Variants in DCC observed in about 807,000 individuals in gnomAD.
DCC encodes the protein DCC netrin 1 receptor.
DCC carries 58 observed loss-of-function variants against 172.5 expected under a neutral mutation model. That is an observed-to-expected ratio of 0.34 (90% CI 0.27 to 0.42). The LOEUF is 0.42. DCC is among the 10% of genes least tolerant of loss of function. The probability of loss-of-function intolerance (pLI) is 1.00; values close to 1 mark genes in which losing one functional copy is unlikely to be tolerated. For missense variants in DCC, 1,740 were observed against 1,791.0 expected (o/e 0.97, Z 0.51); for synonymous variants, 709 against 644.5 (o/e 1.10, Z -1.52).
At chr18:52,860,294 G>A (rs1481918115) in intron 2 of DCC, among the ~76,000 whole-genome samples, 2 of 152,170 alleles carry the variant, frequency 1.3e-5, no homozygotes, top group Non-Finnish European at 2.9e-5. Context: ...TATATAAGTT[G>A]CTCCGGTGAT....
intron 1 of DCC, among the ~76,000 whole-genome samples, chr18:52,671,744 C>T (rs1370428542): frequency 1.3e-5 from 2 of 151,728 alleles, no homozygotes; most frequent in Admixed American, 6.6e-5. Flanking sequence ...CTCTGTTGGC[C>T]AGGCTGGTCT....
intron 21 of DCC, among the ~76,000 whole-genome samples, chr18:53,416,806 A>T (rs1445295442): frequency 6.6e-6 from 1 of 152,224 alleles, no homozygotes; most frequent in African/African-American, 2.4e-5. Flanking sequence ...AGAGTTATCC[A>T]TCAACTTATA....
At chr18:53,083,818 A>T (rs1295390774) in intron 7 of DCC, among the ~76,000 whole-genome samples, 1 of 152,198 alleles carries the variant, frequency 6.6e-6, no homozygotes, top group Admixed American at 6.5e-5. Context: ...AACAGCTATA[A>T]GGAACAACAA....
rs930640617 is a variant in DCC, at chr18:52,951,447, C to T, written c.985+26077C>T. Among the ~76,000 whole-genome samples, 10 of 151,986 alleles carry T rather than the reference C, an allele frequency of 6.6e-5. 1 individual carries two copies. Among genetic ancestry groups the T allele is most frequent in the Admixed American group, 2.0e-4 (3 of 15,252 alleles). ...CTCCTTCCCCTTGCCTCCCACCCCC[C>T]GACAGGTCCCGGTGTGTGATATTCT... On this transcript the variant is annotated intron_variant, in intron 5 of 28. Transcript: ENST00000442544.
intron 24 of DCC, among the ~76,000 whole-genome samples, chr18:53,465,751 T>TTTTATTTATTTA (rs3061298): frequency 4.6e-5 from 7 of 151,308 alleles, no homozygotes; most frequent in South Asian, 2.1e-4. Context: ...TTTCTATTCT[T>TTTTATTTATTTA]TTTATTTATT....
At chr18:52,783,834 AT>A (rs1329307599) in intron 2 of DCC, among the ~76,000 whole-genome samples, 1 of 151,998 alleles carries the variant, frequency 6.6e-6, no homozygotes, top group Non-Finnish European at 1.5e-5. Flanking sequence ...GATTGTGCAT[AT>A]TTATGGGGTA....
chr18:53,347,830 A>G (rs759518389), intron 15 of DCC, among the ~76,000 whole-genome samples: 1 of 152,102 alleles, frequency 6.6e-6, no homozygotes, highest in Non-Finnish European at 1.5e-5. Flanking sequence ...ACGCCCCTTT[A>G]AAAAACCATG....
chr18:52,925,941 A>G (rs1402844166), intron 5 of DCC, among the ~76,000 whole-genome samples: 1 of 151,854 alleles, frequency 6.6e-6, no homozygotes, highest in Admixed American at 6.6e-5. Flanking sequence ...AGGGTTACCC[A>G]TGTGTCATTG....
At chr18:53,284,376 G>A (rs928215912) in intron 12 of DCC, among the ~76,000 whole-genome samples, 2 of 152,116 alleles carry the variant, frequency 1.3e-5, no homozygotes, top group Non-Finnish European at 2.9e-5. Context: ...AATGAATCAT[G>A]GGGGTGGTCT....
chr18:53,340,637 C>T (rs1246447713), intron 15 of DCC, among the ~76,000 whole-genome samples: 1 of 152,090 alleles, frequency 6.6e-6, no homozygotes, highest in Admixed American at 6.6e-5. Context: ...TGTTCATATT[C>T]ATTTTAGATC....
chr18:52,994,411 A>G (rs2041446498), intron 5 of DCC, among the ~76,000 whole-genome samples: 1 of 152,140 alleles, frequency 6.6e-6, no homozygotes, highest in South Asian at 2.1e-4. Context: ...CCTTAAATTA[A>G]ACAAGGAAGA....
intron 7 of DCC, among the ~76,000 whole-genome samples, chr18:53,112,287 A>G (rs1279003538): frequency 6.6e-6 from 1 of 151,588 alleles, no homozygotes; most frequent in African/African-American, 2.4e-5. Flanking sequence ...ATACTAAAAA[A>G]AAAGTCAATA....
intron 1 of DCC, among the ~76,000 whole-genome samples, chr18:52,402,684 C>T (rs1986487078): frequency 1.3e-5 from 2 of 151,966 alleles, no homozygotes; most frequent in African/African-American, 4.8e-5. Flanking sequence ...TTCCTTATCT[C>T]CTTTCTTTAA....
intron 13 of DCC, among the ~76,000 whole-genome samples, chr18:53,313,013 G>A (rs192675568): frequency 6.9e-4 from 92 of 132,414 alleles, no homozygotes; most frequent in African/African-American, 2.4e-3. Context: ...AGGAAGGGAG[G>A]AAGAAAGGAA....
At chr18:52,549,737 A>G (rs926837401) in intron 1 of DCC, among the ~76,000 whole-genome samples, 5 of 152,020 alleles carry the variant, frequency 3.3e-5, no homozygotes, top group African/African-American at 1.2e-4. Context: ...CATGCATGAC[A>G]TTACCTGATA....
chr18:53,443,688 G>A (rs1294304559), intron 22 of DCC, among the ~76,000 whole-genome samples: 3 of 152,158 alleles, frequency 2.0e-5, no homozygotes, highest in Non-Finnish European at 4.4e-5. Context: ...AAAACGTTTT[G>A]GAAAGGATTC....
chr18:53,355,549 G>T (rs2057868349), intron 15 of DCC, among the ~76,000 whole-genome samples: 1 of 152,126 alleles, frequency 6.6e-6, no homozygotes, highest in Non-Finnish European at 1.5e-5. Context: ...GTGAATGGGA[G>T]TTCACTCATG....
At chr18:53,099,942 TC>T (rs199572112) in intron 7 of DCC, among the ~76,000 whole-genome samples, 9,027 of 115,688 alleles carry the variant, frequency 0.078, 946 homozygotes, top group East Asian at 0.31. Context: ...TTTCTTTCTT[TC>T]TTTTTTTTTT....
In DCC at chr18:53,334,502, C is replaced by T. The variant is rs1161865948; in HGVS notation, c.2165-5211C>T. On this transcript the variant is annotated intron_variant, in intron 14 of 28. Transcript: ENST00000442544. ...CATTAAGCACATTCATGTTGTCATG[C>T]AGCCATCACCACCACCCATCTCCAG... is the stretch of plus-strand genomic sequence containing the variant. Among the ~76,000 whole-genome samples, 4 of 152,152 alleles carry T rather than the reference C, an allele frequency of 2.6e-5. No homozygotes were observed. In the East Asian group the frequency reaches 7.7e-4, roughly 29 times the overall value.
Sources: allele counts gnomAD v4.1 joint callset (sites outside exome capture counted in the v4.1 genomes callset), GRCh38; gene constraint gnomAD v4.1.1; transcripts MANE v1.5; gene names NCBI Gene and HGNC (gene_info 2026-07-23, HGNC 2026-07-21).